TSHZ2: variants seen among roughly 807,000 people sequenced by gnomAD.
TSHZ2 encodes the protein teashirt zinc finger homeobox 2, also known as teashirt homolog 2.
In TSHZ2, 21 loss-of-function variants were observed where a neutral mutation model predicts 74.4. The ratio of observed to expected loss-of-function variants is 0.28; its 90% CI spans 0.20 to 0.41. The LOEUF is 0.41. TSHZ2 is among the 10% of genes least tolerant of loss of function. The pLI, the probability that TSHZ2 is intolerant of heterozygous loss-of-function variation, is 1.00. For synonymous variants in TSHZ2, 540 were observed against 515.3 expected (o/e 1.05, Z -0.65); for missense variants, 1,244 against 1,293.5 (o/e 0.96, Z 0.59).
intron 2 of TSHZ2, among the ~76,000 whole-genome samples, chr20:53,305,004 C>T (rs533116858): frequency 6.0e-4 from 89 of 149,304 alleles, no homozygotes; most frequent in Non-Finnish European, 9.0e-4. Flanking sequence ...GGTGCGATCT[C>T]GGCCCACTGC....
At chr20:53,011,597 C>A (rs565375103) in intron 1 of TSHZ2, among the ~76,000 whole-genome samples, 1 of 151,994 alleles carries the variant, frequency 6.6e-6, no homozygotes, top group Admixed American at 6.6e-5. Flanking sequence ...TTTTGAATAT[C>A]AAAGAGCACA....
At chr20:53,106,299 A>T (rs929054303) in intron 1 of TSHZ2, among the ~76,000 whole-genome samples, 1 of 149,978 alleles carries the variant, frequency 6.7e-6, no homozygotes, top group African/African-American at 2.5e-5. Flanking sequence ...TTTAGATTTC[A>T]CATATAAGTG....
At chr20:53,333,809 C>T (rs1358763420) in intron 2 of TSHZ2, among the ~76,000 whole-genome samples, 1 of 152,164 alleles carries the variant, frequency 6.6e-6, no homozygotes, top group Non-Finnish European at 1.5e-5. Context: ...TTTCCTTCCT[C>T]CTAGGATGCA....
At chr20:53,453,317 C>A (rs1257903784) in intron 2 of TSHZ2, among the ~76,000 whole-genome samples, 2 of 152,240 alleles carry the variant, frequency 1.3e-5, no homozygotes, top group African/African-American at 4.8e-5. Flanking sequence ...GAAACTGGAA[C>A]AACTTTGCCA....
intron 2 of TSHZ2, among the ~76,000 whole-genome samples, chr20:53,479,169 TAAAAA>T (rs71194483): frequency 7.9e-6 from 1 of 126,256 alleles, no homozygotes. Context: ...TGTCTCAATT[TAAAAA>T]AAAAAAAAAA....
At chr20:53,263,204 A>G (rs1990636352) in intron 2 of TSHZ2, among the ~76,000 whole-genome samples, 1 of 152,176 alleles carries the variant, frequency 6.6e-6, no homozygotes. Context: ...AGACACAGTG[A>G]TCAAGAGCTT....
chr20:53,209,839 A>G (rs1379855877), intron 1 of TSHZ2, among the ~76,000 whole-genome samples: 1 of 152,184 alleles, frequency 6.6e-6, no homozygotes, highest in Non-Finnish European at 1.5e-5. Context: ...CTTTGAACGC[A>G]TGGACCCTGT....
intron 1 of TSHZ2, among the ~76,000 whole-genome samples, chr20:53,075,043 C>CA (rs1379142442): frequency 6.6e-6 from 1 of 152,148 alleles, no homozygotes; most frequent in Non-Finnish European, 1.5e-5. Context: ...AATTTCATGA[C>CA]AAAAAATTGA....
At chr20:52,989,023 T>A (rs1247761037) in intron 1 of TSHZ2, among the ~76,000 whole-genome samples, 2 of 152,136 alleles carry the variant, frequency 1.3e-5, no homozygotes, top group Admixed American at 1.3e-4. Context: ...GTATTTGTAT[T>A]TAAGAGTCAC....
chr20:52,974,797 T>C (rs1032652593), intron 1 of TSHZ2, among the ~76,000 whole-genome samples: 2 of 152,232 alleles, frequency 1.3e-5, no homozygotes, highest in African/African-American at 2.4e-5. Flanking sequence ...TCATTCCTTC[T>C]GAGCACAGAA....
intron 2 of TSHZ2, among the ~76,000 whole-genome samples, chr20:53,261,063 C>T (rs1990591135): frequency 6.6e-6 from 1 of 152,154 alleles, no homozygotes; most frequent in African/African-American, 2.4e-5. Context: ...AAAACTAAAC[C>T]TGGAGGTAGG....
In TSHZ2 at chr20:53,292,572, C is replaced by T. The variant is rs532826548; in HGVS notation, c.*8+36001C>T. ...AAACCATCCTCCTGCCTCAGTCTCC[C>T]GAGTAGTTGGGACTACACATGTGCA... On this transcript the variant is annotated intron_variant, in intron 2 of 2. Coordinates refer to ENST00000371497, the MANE Select transcript of TSHZ2 (RefSeq NM_173485.6). 5.9e-5 allele frequency among the ~76,000 whole-genome samples: 9 copies of T among 152,038 alleles called. No homozygotes were observed. In the South Asian group the frequency reaches 1.0e-3, roughly 18 times the overall value.
chr20:53,222,121 A>G (rs572773451), intron 1 of TSHZ2, among the ~76,000 whole-genome samples: 4 of 152,266 alleles, frequency 2.6e-5, no homozygotes, highest in South Asian at 2.1e-4. Flanking sequence ...GAGGATAGAG[A>G]CCATTCTTTT....
At chr20:53,135,689 C>T (rs765937890) in intron 1 of TSHZ2, among the ~76,000 whole-genome samples, 9 of 152,116 alleles carry the variant, frequency 5.9e-5, no homozygotes, top group Non-Finnish European at 1.2e-4. Context: ...CATCCTTGAC[C>T]TCCTGGGCTC....
chr20:53,376,994 ATC>A, intron 2 of TSHZ2, among the ~76,000 whole-genome samples: 1 of 152,244 alleles, frequency 6.6e-6, no homozygotes, highest in East Asian at 1.9e-4. Context: ...ATCGGTGGCC[ATC>A]TCTCTTCTTC....
intron 2 of TSHZ2, among the ~76,000 whole-genome samples, chr20:53,427,032 T>C (rs998314848): frequency 6.6e-5 from 10 of 152,204 alleles, no homozygotes; most frequent in African/African-American, 1.9e-4. Context: ...TCTACTCTTT[T>C]GAAATTAAAA....
chr20:53,368,671 A>T (rs1981362358), intron 2 of TSHZ2, among the ~76,000 whole-genome samples: 1 of 152,230 alleles, frequency 6.6e-6, no homozygotes. Flanking sequence ...TGATAGCAAT[A>T]TAGGGTAACA....
intron 1 of TSHZ2, among the ~76,000 whole-genome samples, chr20:53,056,781 C>T (rs1984653680): frequency 6.6e-6 from 1 of 152,168 alleles, no homozygotes; most frequent in Admixed American, 6.5e-5. Flanking sequence ...CTTCAGAACT[C>T]CTTTTGTCTG....
chr20:53,453,254 T>C (rs1236267081), intron 2 of TSHZ2: 1 of 152,228 alleles, frequency 6.6e-6, no homozygotes, highest in African/African-American at 2.4e-5. Context: ...AACAACTAAA[T>C]ATCTTCCAGG....
Sources: allele counts gnomAD v4.1 joint callset (sites outside exome capture counted in the v4.1 genomes callset), GRCh38; gene constraint gnomAD v4.1.1; transcripts MANE v1.5; gene names NCBI Gene and HGNC (gene_info 2026-07-23, HGNC 2026-07-21).